SRGAP2B: variants seen among roughly 807,000 people sequenced by gnomAD.
The protein encoded by SRGAP2B is SLIT-ROBO Rho GTPase activating protein 2B.
Under a neutral mutation model 22.2 loss-of-function variants are expected in SRGAP2B, and 9 were observed. That is an observed-to-expected ratio of 0.41 (90% CI 0.24 to 0.71). The LOEUF (loss-of-function observed/expected upper bound fraction) is 0.71, where lower values mean the gene tolerates loss of function less well. SRGAP2B is among the 30% of genes least tolerant of loss of function. The pLI, the probability that SRGAP2B is intolerant of heterozygous loss-of-function variation, is 0.35. For missense variants in SRGAP2B, 114 were observed against 235.8 expected (o/e 0.48, Z 3.38); for synonymous variants, 36 against 87.4 (o/e 0.41, Z 3.28).
At chr1:144,905,688 A>G (rs1662936849) in intron 6 of SRGAP2B, among the ~76,000 whole-genome samples, 171 bp downstream of exon 6, 2 of 149,356 alleles carry the variant, frequency 1.3e-5, no homozygotes, top group South Asian at 4.2e-4. Flanking sequence ...TTCTTCCAAT[A>G]CCTAGTATTC....
intron 4 of SRGAP2B, among the ~76,000 whole-genome samples, chr1:144,920,440 T>A (rs1558749770): frequency 6.6e-6 from 1 of 150,480 alleles, no homozygotes; most frequent in Non-Finnish European, 1.5e-5. Flanking sequence ...GCTGGTTAAT[T>A]TTTGTAATTT....
intron 4 of SRGAP2B, among the ~76,000 whole-genome samples, chr1:144,925,671 A>C (rs1304225849): frequency 3.5e-5 from 5 of 142,590 alleles, no homozygotes; most frequent in Non-Finnish European, 7.5e-5. Context: ...AAAAAAAAGG[A>C]CAGAAAGAAA....
chr1:144,991,615 G>A (rs1553617190), intron 3 of SRGAP2B, among the ~76,000 whole-genome samples: 2 of 149,522 alleles, frequency 1.3e-5, no homozygotes, highest in African/African-American at 5.0e-5. Context: ...ACACCAATCA[G>A]CACTCTGTAT....
At chr1:144,987,178 C>T (rs1193812291) in intron 3 of SRGAP2B, among the ~76,000 whole-genome samples, 199 of 152,170 alleles carry the variant, frequency 1.3e-3, no homozygotes, top group Admixed American at 3.9e-3. Context: ...CTTTCCTACA[C>T]TTGTCCTTTC....
Position 144,929,550 on chromosome 1 carries a change from C to T in SRGAP2B, c.424-14796G>A, listed in dbSNP as rs587740417. Among the ~76,000 whole-genome samples, 13 of 150,780 alleles carry T rather than the reference C, an allele frequency of 8.6e-5. No homozygotes were observed. In the East Asian group the frequency reaches 2.5e-3, roughly 29 times the overall value. On this transcript the variant is annotated intron_variant, in intron 4 of 9. Transcript: ENST00000612199. ...TTAAACATAGTTAATTTAAAGTTTG[C>T]ATCTGTTAACACCATTACTAGGATC...
At chr1:145,011,555 G>A (rs1488356910) in intron 2 of SRGAP2B, among the ~76,000 whole-genome samples, 4 of 150,054 alleles carry the variant, frequency 2.7e-5, no homozygotes, top group African/African-American at 7.6e-5. Flanking sequence ...ACCCCAGCAC[G>A]TTCCCTACCC....
chr1:145,041,829 A>G (rs587638178), intron 2 of SRGAP2B, among the ~76,000 whole-genome samples: 1 of 144,100 alleles, frequency 6.9e-6, no homozygotes, highest in Non-Finnish European at 1.5e-5. Flanking sequence ...GTGAGCTCTA[A>G]GTGGTAAGGA....
intron 3 of SRGAP2B, among the ~76,000 whole-genome samples, chr1:144,991,343 G>C (rs1209595388): frequency 1.3e-5 from 2 of 150,374 alleles, no homozygotes; most frequent in Non-Finnish European, 2.9e-5. Flanking sequence ...TCAGCACCCT[G>C]TGTTTAGCTC....
chr1:145,006,252 G>A (rs1293169100), intron 2 of SRGAP2B, among the ~76,000 whole-genome samples: 4 of 150,926 alleles, frequency 2.7e-5, no homozygotes, highest in South Asian at 4.2e-4. Context: ...AGAAACTGAC[G>A]AATGAAATAT....
intron 4 of SRGAP2B, among the ~76,000 whole-genome samples, chr1:144,936,545 TG>T (rs1665658458): frequency 1.3e-5 from 2 of 151,056 alleles, no homozygotes; most frequent in Admixed American, 6.6e-5. Flanking sequence ...CCGAGCTATG[TG>T]GTATCAGGCC....
chr1:144,940,563 C>A (rs1274050374), intron 4 of SRGAP2B, among the ~76,000 whole-genome samples: 1 of 142,510 alleles, frequency 7.0e-6, no homozygotes, highest in Non-Finnish European at 1.5e-5. Context: ...CTTTGGGAGG[C>A]CAAGGCAGGC....
intron 3 of SRGAP2B, among the ~76,000 whole-genome samples, chr1:144,980,806 G>A (rs1423682253): frequency 2.6e-5 from 4 of 150,990 alleles, no homozygotes; most frequent in Non-Finnish European, 4.4e-5. Flanking sequence ...TGATACTTCT[G>A]TGCAGTGTAG....
exon 10 of SRGAP2B, chr1:144,892,173 C>A: frequency 1.3e-6 from 1 of 776,400 alleles, no homozygotes; most frequent in Non-Finnish European, 2.4e-6. Flanking sequence ...AAAGCCATAG[C>A]ACTCCCTCAC....
At chr1:144,971,639 A>C (rs1394842357) in intron 3 of SRGAP2B, among the ~76,000 whole-genome samples, 1 of 150,932 alleles carries the variant, frequency 6.6e-6, no homozygotes. Context: ...GATTCTCTGG[A>C]AATTCCCAAA....
At chr1:144,953,593 G>A (rs1373958564) in intron 4 of SRGAP2B, among the ~76,000 whole-genome samples, 1 of 152,076 alleles carries the variant, frequency 6.6e-6, no homozygotes, top group Non-Finnish European at 1.5e-5. Flanking sequence ...CTTCATGGAT[G>A]TCATATGCCC....
At chr1:144,958,361 T>C (rs587662130) in intron 3 of SRGAP2B, among the ~76,000 whole-genome samples, 1 of 150,862 alleles carries the variant, frequency 6.6e-6, no homozygotes, top group South Asian at 2.1e-4. Context: ...TTAATGCTAA[T>C]AAGTTTTATT....
chr1:144,925,143 C>G lies in SRGAP2B; in HGVS notation c.424-10389G>C, dbSNP rs868987463. Among the ~76,000 whole-genome samples the G allele has an allele frequency of 4.8e-4, 72 of 149,510 alleles. 1 individual carries two copies. Among genetic ancestry groups the G allele is most frequent in the Admixed American group, 2.8e-3 (42 of 15,090 alleles). ...TCAGCCTCCCAAGTAGCTGGGACTACAGGTGTTCACCACCATGCCTGGATA... is the reference window on the plus strand; with the variant it reads ...TCAGCCTCCCAAGTAGCTGGGACTAGAGGTGTTCACCACCATGCCTGGATA... On this transcript the variant is annotated intron_variant, in intron 4 of 9. Transcript: ENST00000612199.
At chr1:144,991,058 C>T (rs1320129865) in intron 3 of SRGAP2B, among the ~76,000 whole-genome samples, 9 of 150,900 alleles carry the variant, frequency 6.0e-5, no homozygotes, top group Non-Finnish European at 1.2e-4. Flanking sequence ...GACTGGCAGG[C>T]AGCTCCACCT....
intron 4 of SRGAP2B, among the ~76,000 whole-genome samples, chr1:144,944,613 A>T (rs1355721238): frequency 6.8e-6 from 1 of 147,722 alleles, no homozygotes; most frequent in Admixed American, 6.7e-5. Context: ...AAAAAAAAAA[A>T]TCTGAAATAA....
Sources: allele counts gnomAD v4.1 joint callset (sites outside exome capture counted in the v4.1 genomes callset), GRCh38; gene constraint gnomAD v4.1.1; transcripts MANE v1.5; gene names NCBI Gene and HGNC (gene_info 2026-07-23, HGNC 2026-07-21).